SYTL3: variants seen among roughly 807,000 people sequenced by gnomAD.
The protein encoded by SYTL3 is synaptotagmin like 3.
In SYTL3, 88 loss-of-function variants were observed where a neutral mutation model predicts 82.1. The ratio of observed to expected loss-of-function variants is 1.07; its 90% CI spans 0.90 to 1.28. SYTL3 has a LOEUF of 1.28. Among genes scored for constraint, SYTL3 ranks in the 50% most tolerant of loss-of-function variants. The pLI, the probability that SYTL3 is intolerant of heterozygous loss-of-function variation, is 0.00. For synonymous variants in SYTL3, 311 were observed against 289.4 expected (o/e 1.07, Z -0.76); for missense variants, 831 against 757.6 (o/e 1.10, Z -1.14).
intron 5 of SYTL3, among the ~76,000 whole-genome samples, chr6:158,667,471 G>A (rs180816161): frequency 3.3e-5 from 5 of 152,216 alleles, no homozygotes; most frequent in Non-Finnish European, 5.9e-5. Context: ...CCCTGTCCCC[G>A]CAGCCCTCTG....
At chr6:158,654,424 G>A (rs181466805) in intron 2 of SYTL3, among the ~76,000 whole-genome samples, 122 of 152,290 alleles carry the variant, frequency 8.0e-4, no homozygotes, top group African/African-American at 2.8e-3. Flanking sequence ...TCTGGATGCC[G>A]AAGTTCCACT....
intron 11 of SYTL3, among the ~76,000 whole-genome samples, chr6:158,729,196 A>G (rs1042270712): frequency 6.6e-6 from 1 of 152,240 alleles, no homozygotes; most frequent in African/African-American, 2.4e-5. Context: ...CTGTAACAAA[A>G]TATCACAGGC....
intron 5 of SYTL3, among the ~76,000 whole-genome samples, chr6:158,669,571 A>G (rs1292252468): frequency 6.6e-6 from 1 of 152,282 alleles, no homozygotes; most frequent in East Asian, 1.9e-4. Flanking sequence ...AAGTTGCAGC[A>G]GGTGATACTG....
chr6:158,707,374 A>C (rs1782219624), intron 7 of SYTL3, 93 bp downstream of exon 7: 1 of 1,009,576 alleles, frequency 9.9e-7, no homozygotes, highest in Non-Finnish European at 1.5e-6. Context: ...TGACTTTCAC[A>C]TGTCACTGCT....
intron 4 of SYTL3, among the ~76,000 whole-genome samples, chr6:158,664,283 G>A (rs1263304035): frequency 1.1e-4 from 17 of 152,192 alleles, no homozygotes; most frequent in Admixed American, 1.0e-3. Flanking sequence ...GGTGGCTCAC[G>A]CCTGTCATCC....
rs561053825 is a variant in SYTL3, at chr6:158,698,396, C to CAAAA, written c.395-8820_395-8817dup. Among the ~76,000 whole-genome samples, 201 of 113,266 alleles carry CAAAA rather than the reference C, an allele frequency of 1.8e-3. 4 individuals carry two copies. The highest frequency in any genetic ancestry group is 6.4e-3 in the African/African-American group (192 of 30,214). 74.3% of individuals were successfully genotyped at this position (113,266 alleles called of 152,430 possible). A position where few individuals can be genotyped will look rare whatever the true frequency, so the allele number is the denominator to read the frequency against. On this transcript the variant is annotated intron_variant, in intron 6 of 17. Coordinates refer to ENST00000611299, the MANE Select transcript of SYTL3 (RefSeq NM_001242394.2). The stretch of plus-strand genomic sequence containing the variant: ...TGGGTGACAGAGTGAGACTCTGTCT[C>CAAAA]AAAAAAAAAAAAAAAAAGGCTCTGG...
In SYTL3 at chr6:158,751,835, A is replaced by G. The variant is rs187960827; in HGVS notation, c.1035-93A>G. On this transcript the variant is annotated intron_variant, in intron 12 of 17. Coordinates refer to ENST00000611299, the MANE Select transcript of SYTL3 (RefSeq NM_001242394.2). ...TTCCAGCAGGAAGCCTGGTAAAGAA[A>G]ACGCTGGCATGTGGGTTCTCTGCTG... 318 of 928,256 alleles carry G rather than the reference A, an allele frequency of 3.4e-4. No individual in the cohort carries two copies. In the African/African-American group the frequency reaches 4.9e-3, roughly 14 times the overall value. The allele number at this position is 928,256 out of a possible 1,614,324, so 57.5% of individuals were successfully genotyped here. A position where few individuals can be genotyped will look rare whatever the true frequency, so the allele number is the denominator to read the frequency against.
intron 5 of SYTL3, among the ~76,000 whole-genome samples, chr6:158,675,742 T>C (rs1777956884): frequency 6.6e-6 from 1 of 152,102 alleles, no homozygotes; most frequent in Non-Finnish European, 1.5e-5. Flanking sequence ...GGTCAGGAGA[T>C]CGAGACCATC....
chr6:158,690,233 A>G (rs1779718037), intron 6 of SYTL3, among the ~76,000 whole-genome samples: 1 of 152,270 alleles, frequency 6.6e-6, no homozygotes, highest in Non-Finnish European at 1.5e-5. Context: ...GAGTAAAGGA[A>G]TAAGTGAATA....
rs1309707739 is a variant in SYTL3 at position 158,713,831 on chromosome 6, A to G, written c.548A>G (p.Asn183Ser). The change falls in exon 9 of 18, where the codon AAT becomes AGT. Residue 183 changes from asparagine to serine, a missense_variant. Coordinates refer to ENST00000611299, the MANE Select transcript of SYTL3 (RefSeq NM_001242394.2). ...GAATTTGGTCAGTTTAGAGGATTTA[A>G]TAAGTCCGTGGAAAATTTGTTTCTG... The part of the protein sequence containing the change: ...LQEFGQFRGF[N>S]KSVENLFLSL... 48 of 1,550,538 alleles carry G rather than the reference A, an allele frequency of 3.1e-5. No homozygotes were observed. The highest frequency in any genetic ancestry group is 1.6e-5 in the Non-Finnish European group (18 of 1,146,590).
At chr6:158,748,249 T>G (rs1429897173) in intron 12 of SYTL3, among the ~76,000 whole-genome samples, 1 of 152,168 alleles carries the variant, frequency 6.6e-6, no homozygotes, top group Non-Finnish European at 1.5e-5. Flanking sequence ...AGAAATCAAT[T>G]GTTGATTTAA....
intron 6 of SYTL3, among the ~76,000 whole-genome samples, chr6:158,702,203 G>A (rs149066175): frequency 0.024 from 3,663 of 151,660 alleles, 105 homozygotes; most frequent in South Asian, 0.09. Flanking sequence ...ACTCACGCCT[G>A]TAATCCCAGC....
chr6:158,679,603 A>G (rs1356500113), intron 5 of SYTL3, among the ~76,000 whole-genome samples: 1 of 152,160 alleles, frequency 6.6e-6, no homozygotes, highest in Non-Finnish European at 1.5e-5. Context: ...GATAGGCCCA[A>G]GAGATCCTCG....
intron 13 of SYTL3, among the ~76,000 whole-genome samples, chr6:158,754,879 G>T (rs1193639681): frequency 8.5e-5 from 13 of 152,226 alleles, no homozygotes; most frequent in African/African-American, 2.4e-5. Context: ...GCCCGAGCCC[G>T]ACCCTGCTAA....
chr6:158,714,946 G>A (rs1379231951), intron 9 of SYTL3, among the ~76,000 whole-genome samples: 1 of 152,140 alleles, frequency 6.6e-6, no homozygotes, highest in Non-Finnish European at 1.5e-5. Flanking sequence ...CTCATGCAAT[G>A]GTCTGTTCCT....
intron 13 of SYTL3, among the ~76,000 whole-genome samples, chr6:158,754,536 C>T (rs1306269808): frequency 2.0e-5 from 3 of 152,102 alleles, no homozygotes; most frequent in East Asian, 1.9e-4. Flanking sequence ...TTGGCTAACA[C>T]GGTGAAACCC....
rs376200118 is a variant in SYTL3, at chr6:158,705,042, A to T, written c.395-2188A>T. 1.7e-4 allele frequency among the ~76,000 whole-genome samples: 14 copies of T among 80,866 alleles called. No individual in the cohort carries two copies. In the East Asian group the frequency reaches 2.8e-3, roughly 16 times the overall value. The allele number at this position is 80,866 out of a possible 152,430, so 53.1% of individuals were successfully genotyped here. On this transcript the variant is annotated intron_variant, in intron 6 of 17. Transcript: ENST00000611299. ...GGGTGACAGTGAGGGCTGTAAGGCC[A>T]CATAGGGCAGGAGGGACCCGGGGCA...
intron 9 of SYTL3, among the ~76,000 whole-genome samples, chr6:158,717,684 G>GT (rs2128469261): frequency 6.6e-6 from 1 of 152,240 alleles, no homozygotes; most frequent in Admixed American, 6.5e-5. Flanking sequence ...ATGGTGTTAA[G>GT]TTGTAACATC....
At chr6:158,756,166 G>C (rs1789028940) in intron 13 of SYTL3, among the ~76,000 whole-genome samples, 1 of 152,252 alleles carries the variant, frequency 6.6e-6, no homozygotes, top group Non-Finnish European at 1.5e-5. Context: ...GAAGGGCTGG[G>C]TGCCACTGAG....
Sources: allele counts gnomAD v4.1 joint callset (sites outside exome capture counted in the v4.1 genomes callset), GRCh38; gene constraint gnomAD v4.1.1; transcripts MANE v1.5; gene names NCBI Gene and HGNC (gene_info 2026-07-23, HGNC 2026-07-21).